The following SYN3 variants were observed in gnomAD, a reference collection of about 807,000 sequenced individuals.
The protein encoded by SYN3 is synapsin-3.
A neutral mutation model predicts 65.8 loss-of-function variants in SYN3; 35 were observed. The observed-to-expected ratio is 0.53, with a 90% CI of 0.41 to 0.70. The LOEUF (loss-of-function observed/expected upper bound fraction) is 0.70. SYN3 is among the 30% of genes least tolerant of loss of function. The pLI is 0.00. For synonymous variants in SYN3, 270 were observed against 292.9 expected (o/e 0.92, Z 0.80); for missense variants, 680 against 749.0 (o/e 0.91, Z 1.08).
chr22:32,925,603 A>G (rs1445436839), intron 4 of SYN3, among the ~76,000 whole-genome samples: 1 of 152,220 alleles, frequency 6.6e-6, no homozygotes, highest in Non-Finnish European at 1.5e-5. Context: ...TCTTGTGTTC[A>G]GGCAGCATAC....
intron 1 of SYN3, among the ~76,000 whole-genome samples, chr22:33,035,595 T>C (rs2053845296): frequency 1.3e-5 from 2 of 152,260 alleles, no homozygotes; most frequent in South Asian, 4.2e-4. Context: ...TTATTTTTAT[T>C]TGAGACACGG....
At position 32,514,145 on chromosome 22, in the gene SYN3, C is replaced by T. The variant is rs370216221; in HGVS notation, c.1611-321G>A. Among the ~76,000 whole-genome samples, 17 of 152,308 alleles carry T rather than the reference C, an allele frequency of 1.1e-4. 1 individual carries two copies. The highest frequency in any genetic ancestry group is 3.6e-4 in the African/African-American group (15 of 41,556). On this transcript the variant is annotated intron_variant, in intron 13 of 13. Transcript: ENST00000358763. ...TATACCAGACTGTTGAGGCAGCAGG[C>T]ATTGCTGGAGAGTAGCTTGGCTGCT...
intron 6 of SYN3, among the ~76,000 whole-genome samples, chr22:32,750,219 G>A (rs1285538129): frequency 1.3e-5 from 2 of 152,146 alleles, no homozygotes; most frequent in Admixed American, 6.5e-5. Context: ...GACAGAGAAC[G>A]CCATGGGTTA....
chr22:32,821,958 C>A (rs1264342827), intron 6 of SYN3, among the ~76,000 whole-genome samples: 1 of 152,104 alleles, frequency 6.6e-6, no homozygotes, highest in African/African-American at 2.4e-5. Context: ...GAGTTCGAGA[C>A]CAGCCTGACC....
chr22:32,576,724 C>T (rs1025246260), intron 7 of SYN3, among the ~76,000 whole-genome samples: 1 of 152,040 alleles, frequency 6.6e-6, no homozygotes, highest in Non-Finnish European at 1.5e-5. Flanking sequence ...CACGGCCTTG[C>T]TTCCTGCCTG....
chr22:32,855,978 C>T (rs2048352538), intron 6 of SYN3, among the ~76,000 whole-genome samples: 1 of 152,210 alleles, frequency 6.6e-6, no homozygotes, highest in Admixed American at 6.5e-5. Flanking sequence ...GAACCCAATG[C>T]TTTCACCAGA....
At position 32,960,552 on chromosome 22, in the gene SYN3, TG is replaced by T. The variant is rs2051615954; in HGVS notation, c.369+20092del. Among the ~76,000 whole-genome samples the T allele has an allele frequency of 2.0e-5, 3 of 152,058 alleles. No homozygotes were observed. The South Asian group carries it at 6.2e-4, about 32-fold the overall frequency. ...CCTCCTCCTTCTAGGGGACTGTGAG[TG>T]TAAGAGCTCCTTCCTTCTTGACAGT... On this transcript the variant is annotated intron_variant, in intron 3 of 13. Transcript: ENST00000358763.
At chr22:32,866,107 CT>C (rs1294309390) in intron 5 of SYN3, among the ~76,000 whole-genome samples, 1 of 152,162 alleles carries the variant, frequency 6.6e-6, no homozygotes, top group Non-Finnish European at 1.5e-5. Flanking sequence ...TGAAGGAGAG[CT>C]GCTGGTGGAT....
intron 6 of SYN3, among the ~76,000 whole-genome samples, chr22:32,688,925 C>G (rs2060627479): frequency 6.6e-6 from 1 of 152,214 alleles, no homozygotes; most frequent in African/African-American, 2.4e-5. Flanking sequence ...TGAATGCTTG[C>G]TCTTCCTTGT....
intron 5 of SYN3, among the ~76,000 whole-genome samples, chr22:32,867,232 T>A (rs1179939362): frequency 6.6e-6 from 1 of 152,186 alleles, no homozygotes; most frequent in Non-Finnish European, 1.5e-5. Flanking sequence ...AGCCTCCACA[T>A]TACCTATCCT....
chr22:32,791,862 G>C (rs2046330818), intron 6 of SYN3, among the ~76,000 whole-genome samples: 1 of 152,074 alleles, frequency 6.6e-6, no homozygotes, highest in Non-Finnish European at 1.5e-5. Context: ...ATAGGAATTA[G>C]TTATGACTAT....
intron 13 of SYN3, among the ~76,000 whole-genome samples, chr22:32,515,057 CTG>C (rs980342222): frequency 1.5e-4 from 23 of 152,156 alleles, no homozygotes; most frequent in Admixed American, 6.5e-4. Context: ...AACGCAGGGA[CTG>C]TCTTTTACTC....
At chr22:32,757,529 T>G (rs567017270) in intron 6 of SYN3, among the ~76,000 whole-genome samples, 1 of 152,006 alleles carries the variant, frequency 6.6e-6, no homozygotes, top group Non-Finnish European at 1.5e-5. Flanking sequence ...ACTCCTGACC[T>G]CAGGTGATCC....
At chr22:32,827,587 T>C (rs1230749603) in intron 6 of SYN3, among the ~76,000 whole-genome samples, 1 of 110,154 alleles carries the variant, frequency 9.1e-6, no homozygotes, top group African/African-American at 3.7e-5. Flanking sequence ...ATGACTATCA[T>C]GAACTCCCTT....
intron 6 of SYN3, among the ~76,000 whole-genome samples, chr22:32,829,855 C>T (rs1336749821): frequency 6.6e-6 from 1 of 152,246 alleles, no homozygotes; most frequent in Non-Finnish European, 1.5e-5. Flanking sequence ...AACTACACCC[C>T]ACCCTTGGGT....
At chr22:32,912,893 T>A (rs2050089296) in intron 4 of SYN3, among the ~76,000 whole-genome samples, 1 of 152,102 alleles carries the variant, frequency 6.6e-6, no homozygotes, top group African/African-American at 2.4e-5. Context: ...AGAGAAATTA[T>A]TCTATACGAT....
At chr22:32,808,814 C>A (rs539113450) in intron 6 of SYN3, among the ~76,000 whole-genome samples, 13 of 152,270 alleles carry the variant, frequency 8.5e-5, no homozygotes, top group Non-Finnish European at 1.5e-4. Flanking sequence ...TAGTAAAACC[C>A]AAATTCTCCA....
intron 6 of SYN3, among the ~76,000 whole-genome samples, chr22:32,822,582 C>G (rs552053279): frequency 6.6e-6 from 1 of 152,300 alleles, no homozygotes; most frequent in Non-Finnish European, 1.5e-5. Context: ...GCAATGGAGT[C>G]CATTGCTACA....
chr22:32,789,495 A>G (rs1188181552), intron 6 of SYN3, among the ~76,000 whole-genome samples: 1 of 152,148 alleles, frequency 6.6e-6, no homozygotes, highest in African/African-American at 2.4e-5. Context: ...CTGTCCAGGC[A>G]CCAATTCAGG....
Sources: allele counts gnomAD v4.1 joint callset (sites outside exome capture counted in the v4.1 genomes callset), GRCh38; gene constraint gnomAD v4.1.1; transcripts MANE v1.5; gene names NCBI Gene and HGNC (gene_info 2026-07-23, HGNC 2026-07-21).